NAALADL2: variants seen among roughly 807,000 people sequenced by gnomAD.
NAALADL2 encodes N-acetylated alpha-linked acidic dipeptidase like 2, also known as inactive N-acetylated-alpha-linked acidic dipeptidase-like protein 2.
Under a neutral mutation model 87.2 loss-of-function variants are expected in NAALADL2, and 76 were observed. That is an observed-to-expected ratio of 0.87 (90% CI 0.72 to 1.05). The LOEUF is 1.05. NAALADL2 is among the 50% of genes least tolerant of loss of function. The pLI is 0.00. For missense variants in NAALADL2, 1,089 were observed against 945.8 expected (o/e 1.15, Z -1.99); for synonymous variants, 354 against 331.0 (o/e 1.07, Z -0.75).
intron 1 of NAALADL2, among the ~76,000 whole-genome samples, chr3:175,055,846 G>A (rs1043794598): frequency 1.3e-5 from 2 of 152,144 alleles, no homozygotes; most frequent in African/African-American, 4.8e-5. Context: ...GCCATTGCCT[G>A]TGCCAACAAA....
intron 9 of NAALADL2, among the ~76,000 whole-genome samples, chr3:175,560,126 G>T (rs1716031111): frequency 6.6e-6 from 1 of 151,980 alleles, no homozygotes; most frequent in African/African-American, 2.4e-5. Flanking sequence ...ACTTGTTATT[G>T]GTCTGTTTTT....
chr3:174,721,693 C>T (rs1027386723), intron 2 of NAALADL2, among the ~76,000 whole-genome samples: 1 of 152,098 alleles, frequency 6.6e-6, no homozygotes, highest in East Asian at 1.9e-4. Context: ...TGACACAAAA[C>T]AAAAGAATCC....
intron 1 of NAALADL2, among the ~76,000 whole-genome samples, chr3:174,975,975 A>T (rs1287331420): frequency 1.3e-5 from 2 of 152,156 alleles, no homozygotes; most frequent in African/African-American, 4.8e-5. Context: ...TAAACTTTTG[A>T]CTCACTGAAA....
chr3:175,034,865 G>T (rs1186397501), intron 1 of NAALADL2, among the ~76,000 whole-genome samples: 3 of 152,150 alleles, frequency 2.0e-5, no homozygotes, highest in Non-Finnish European at 4.4e-5. Context: ...GTAAGTGTTA[G>T]TTATAATCAT....
chr3:175,677,897 T>C (rs1735039786), intron 11 of NAALADL2, among the ~76,000 whole-genome samples: 1 of 152,132 alleles, frequency 6.6e-6, no homozygotes, highest in South Asian at 2.1e-4. Context: ...ACTCTGACAA[T>C]TGCCTCAGGT....
chr3:175,010,304 T>C (rs1314883356), intron 1 of NAALADL2, among the ~76,000 whole-genome samples: 1 of 152,172 alleles, frequency 6.6e-6, no homozygotes, highest in Admixed American at 6.6e-5. Context: ...TATTTTTATT[T>C]ACTCAAAGCC....
At chr3:174,480,879 C>T (rs1234993059) in intron 1 of NAALADL2, among the ~76,000 whole-genome samples, 1 of 151,990 alleles carries the variant, frequency 6.6e-6, no homozygotes, top group African/African-American at 2.4e-5. Context: ...TAGATAAGGA[C>T]TCCTTGTACA....
At chr3:174,579,443 G>T (rs1185016694) in intron 2 of NAALADL2, among the ~76,000 whole-genome samples, 1 of 151,988 alleles carries the variant, frequency 6.6e-6, no homozygotes, top group Non-Finnish European at 1.5e-5. Flanking sequence ...TTGAGGAAAA[G>T]AAGCTAGACT....
At chr3:174,722,763 C>T (rs1053200557) in intron 2 of NAALADL2, among the ~76,000 whole-genome samples, 4 of 152,168 alleles carry the variant, frequency 2.6e-5, no homozygotes, top group South Asian at 2.1e-4. Flanking sequence ...AATCAATTGG[C>T]ATATGCAAAT....
intron 4 of NAALADL2, among the ~76,000 whole-genome samples, chr3:175,311,703 T>TCTCC (rs71955438): frequency 0.14 from 20,545 of 144,158 alleles, 1,496 homozygotes; most frequent in Admixed American, 0.17. Context: ...TTCCTTCCTC[T>TCTCC]CTCCCTCCCT....
chr3:174,727,323 G>A (rs1031318696), intron 2 of NAALADL2, among the ~76,000 whole-genome samples: 1 of 151,624 alleles, frequency 6.6e-6, no homozygotes, highest in Non-Finnish European at 1.5e-5. Flanking sequence ...AGATCAGTGG[G>A]TTGTTAATAT....
chr3:175,461,704 A>G (rs1384986474), intron 6 of NAALADL2, among the ~76,000 whole-genome samples: 1 of 152,228 alleles, frequency 6.6e-6, no homozygotes, highest in African/African-American at 2.4e-5. Context: ...TTAGAAAACC[A>G]GAAAAGATTC....
intron 2 of NAALADL2, among the ~76,000 whole-genome samples, chr3:175,144,237 T>C (rs1325855062): frequency 1.3e-5 from 2 of 151,960 alleles, no homozygotes; most frequent in Non-Finnish European, 2.9e-5. Context: ...TCCGGCTTCA[T>C]GGAATTTTAA....
At chr3:175,590,744 A>G (rs1428477175) in intron 10 of NAALADL2, among the ~76,000 whole-genome samples, 1 of 152,254 alleles carries the variant, frequency 6.6e-6, no homozygotes, top group South Asian at 2.1e-4. Context: ...TGTATATAGA[A>G]CCCCTTCAAC....
chr3:175,476,072 A>T (rs1377526058), intron 9 of NAALADL2, among the ~76,000 whole-genome samples: 1 of 152,170 alleles, frequency 6.6e-6, no homozygotes, highest in African/African-American at 2.4e-5. Flanking sequence ...TCTCTGAAAC[A>T]GTAGCAAAGA....
intron 1 of NAALADL2, among the ~76,000 whole-genome samples, chr3:175,086,949 C>T (rs11917616): frequency 0.23 from 35,663 of 151,906 alleles, 4,270 homozygotes; most frequent in East Asian, 0.33. Context: ...AGTTTACTTA[C>T]AGAAAAAACT....
At chr3:175,766,630 CTTTAT>C (rs1345632604) in intron 13 of NAALADL2, among the ~76,000 whole-genome samples, 4 of 152,056 alleles carry the variant, frequency 2.6e-5, no homozygotes, top group South Asian at 2.1e-4. Context: ...TTTCTCTCTC[CTTTAT>C]TTTATCTGCT....
chr3:175,002,311 T>A (rs1394627822), intron 1 of NAALADL2, among the ~76,000 whole-genome samples: 1 of 152,106 alleles, frequency 6.6e-6, no homozygotes, highest in East Asian at 1.9e-4. Context: ...GTGGAGCAAG[T>A]GAGAAACATC....
chr3:174,553,713 A>G (rs1712424293), intron 2 of NAALADL2, among the ~76,000 whole-genome samples: 1 of 152,140 alleles, frequency 6.6e-6, no homozygotes, highest in African/African-American at 2.4e-5. Flanking sequence ...AAGAAGAAAA[A>G]TTCTTCCCTT....
Sources: allele counts gnomAD v4.1 joint callset (sites outside exome capture counted in the v4.1 genomes callset), GRCh38; gene constraint gnomAD v4.1.1; transcripts MANE v1.5; gene names NCBI Gene and HGNC (gene_info 2026-07-23, HGNC 2026-07-21).